PRKCE: variants seen among roughly 807,000 people sequenced by gnomAD.
PRKCE encodes protein kinase C epsilon type.
Under a neutral mutation model 85.4 loss-of-function variants are expected in PRKCE, and 16 were observed. The observed-to-expected ratio is 0.19, with a 90% confidence interval of 0.13 to 0.28. The LOEUF (loss-of-function observed/expected upper bound fraction) is 0.28. PRKCE is among the 10% of genes least tolerant of loss of function. The pLI, the probability that PRKCE is intolerant of heterozygous loss-of-function variation, is 1.00. For missense variants in PRKCE, 573 were observed against 975.2 expected (o/e 0.59, Z 5.49); for synonymous variants, 388 against 371.5 (o/e 1.04, Z -0.51).
At chr2:45,996,103 T>G (rs892829116) in intron 6 of PRKCE, among the ~76,000 whole-genome samples, 25 of 152,202 alleles carry the variant, frequency 1.6e-4, no homozygotes, top group African/African-American at 6.0e-4. Flanking sequence ...TGTAAATATT[T>G]CATTTGGGGG....
At chr2:45,710,359 A>G (rs534879480) in intron 1 of PRKCE, among the ~76,000 whole-genome samples, 1 of 152,338 alleles carries the variant, frequency 6.6e-6, no homozygotes, top group African/African-American at 2.4e-5. Flanking sequence ...ACCCTTGCCC[A>G]CTGAGGTACA....
chr2:45,726,567 C>CT (rs1681089139), intron 1 of PRKCE, among the ~76,000 whole-genome samples: 1 of 152,168 alleles, frequency 6.6e-6, no homozygotes, highest in Non-Finnish European at 1.5e-5. Flanking sequence ...TTACATCGTA[C>CT]ACACAATAGA....
At chr2:45,906,371 C>T (rs1052367644) in intron 2 of PRKCE, among the ~76,000 whole-genome samples, 1 of 152,220 alleles carries the variant, frequency 6.6e-6, no homozygotes, top group Admixed American at 6.5e-5. Context: ...AATTAAACCC[C>T]TGTGGATCTT....
At chr2:45,879,505 G>A (rs189747973) in intron 2 of PRKCE, among the ~76,000 whole-genome samples, 58 of 152,326 alleles carry the variant, frequency 3.8e-4, no homozygotes, top group Non-Finnish European at 7.1e-4. Context: ...CACTTAAGCT[G>A]TCCCCAGATG....
rs1704707917 is a variant in PRKCE at position 46,001,841 on chromosome 2, C to T, written c.966+295C>T. 6.6e-6 allele frequency among the ~76,000 whole-genome samples: 1 copy of T among 152,160 alleles called. No homozygotes were observed. The highest frequency in any genetic ancestry group is 1.5e-5 in the Non-Finnish European group (1 of 68,040). ...ATTCCTTCTAGAAAAAGCTTAACAA[C>T]TCCATACAAGGAAATGGACTTATCT... On this transcript the variant is annotated intron_variant, in intron 7 of 14. Transcript: ENST00000306156. The surrounding 1 kb of genome is among the most constrained non-coding windows in gnomAD (Gnocchi z 4.4).
chr2:45,910,151 A>G (rs1316846472), intron 2 of PRKCE, among the ~76,000 whole-genome samples: 1 of 152,064 alleles, frequency 6.6e-6, no homozygotes, highest in Non-Finnish European at 1.5e-5. Context: ...GTGTAGTTCC[A>G]TTTGTAGTTA....
Position 46,118,650 on chromosome 2 carries a change from A to C in PRKCE, c.1593-26443A>C, listed in dbSNP as rs528783116. Reference sequence around the variant, plus strand: ...GCTCCCCATGCTGTTGTAACCACAGAATACAGAGCATGAAGAAATGGACTT... The same window carrying C: ...GCTCCCCATGCTGTTGTAACCACAGCATACAGAGCATGAAGAAATGGACTT... On this transcript the variant is annotated intron_variant, in intron 11 of 14. Transcript: ENST00000306156. Among the ~76,000 whole-genome samples, 280 of 152,348 alleles carry C rather than the reference A, an allele frequency of 1.8e-3. 2 individuals carry two copies. The highest frequency in any genetic ancestry group is 6.4e-3 in the African/African-American group (268 of 41,592).
At chr2:45,906,145 G>T (rs1334544400) in intron 2 of PRKCE, among the ~76,000 whole-genome samples, 1 of 152,336 alleles carries the variant, frequency 6.6e-6, no homozygotes, top group East Asian at 1.9e-4. Context: ...AGCTAGGGAG[G>T]GAAAGCCGCT....
intron 2 of PRKCE, among the ~76,000 whole-genome samples, chr2:45,932,455 C>T (rs1193507700): frequency 2.0e-5 from 3 of 152,164 alleles, no homozygotes; most frequent in Non-Finnish European, 4.4e-5. Flanking sequence ...TCATGGGTTG[C>T]AGCTGCTCAG....
intron 11 of PRKCE, among the ~76,000 whole-genome samples, chr2:46,088,502 C>G (rs2103930048): frequency 1.3e-5 from 2 of 152,290 alleles, no homozygotes; most frequent in South Asian, 4.1e-4. Flanking sequence ...CTATATGGAT[C>G]CTTCACTAAG....
chr2:45,667,876 A>G (rs1016059215), intron 1 of PRKCE, among the ~76,000 whole-genome samples: 1 of 152,124 alleles, frequency 6.6e-6, no homozygotes. Flanking sequence ...GAAGGGCTTT[A>G]TATGACAGGG....
intron 5 of PRKCE, among the ~76,000 whole-genome samples, chr2:45,981,502 C>G (rs1702887851): frequency 6.6e-6 from 1 of 152,170 alleles, no homozygotes; most frequent in Non-Finnish European, 1.5e-5. Flanking sequence ...CTCTGGAAAG[C>G]AACAAAGGAC....
chr2:46,114,600 T>C (rs1672589392), intron 11 of PRKCE, among the ~76,000 whole-genome samples: 1 of 151,698 alleles, frequency 6.6e-6, no homozygotes, highest in Non-Finnish European at 1.5e-5. Context: ...TGTGTTTTTT[T>C]AGTAGAGATG....
chr2:46,012,451 C>A (rs1418971319), intron 10 of PRKCE, among the ~76,000 whole-genome samples: 1 of 152,106 alleles, frequency 6.6e-6, no homozygotes, highest in African/African-American at 2.4e-5. Context: ...GGTAGTGGGG[C>A]CTTGCTCTGA....
chr2:46,120,654 A>G (rs1006207001), intron 11 of PRKCE, among the ~76,000 whole-genome samples: 3 of 152,108 alleles, frequency 2.0e-5, no homozygotes, highest in Non-Finnish European at 4.4e-5. Context: ...AGGCTTTTTT[A>G]ACTCTTCTGA....
chr2:45,681,864 C>A (rs937139694), intron 1 of PRKCE, among the ~76,000 whole-genome samples: 1 of 152,180 alleles, frequency 6.6e-6, no homozygotes, highest in Non-Finnish European at 1.5e-5. Context: ...CATGTATTGT[C>A]TGAGTCACTC....
At chr2:46,144,173 G>A (rs1476516788) in intron 11 of PRKCE, among the ~76,000 whole-genome samples, 1 of 152,172 alleles carries the variant, frequency 6.6e-6, no homozygotes, top group Non-Finnish European at 1.5e-5. Flanking sequence ...TTTGAGACTG[G>A]CATGCCCCTA....
chr2:46,151,724 A>G (rs1415081745), intron 13 of PRKCE, among the ~76,000 whole-genome samples: 1 of 152,276 alleles, frequency 6.6e-6, no homozygotes, highest in African/African-American at 2.4e-5. Flanking sequence ...AGAGCCAATC[A>G]GAAAAGATCT....
intron 11 of PRKCE, among the ~76,000 whole-genome samples, chr2:46,126,958 T>G (rs1209711202): frequency 6.6e-6 from 1 of 152,214 alleles, no homozygotes; most frequent in Non-Finnish European, 1.5e-5. Context: ...CTAGGTGAGC[T>G]CCTTTGAAAT....
Sources: allele counts gnomAD v4.1 joint callset (sites outside exome capture counted in the v4.1 genomes callset), GRCh38; gene constraint gnomAD v4.1.1; non-coding constraint Gnocchi (gnomAD v3.1); transcripts MANE v1.5; gene names NCBI Gene and HGNC (gene_info 2026-07-23, HGNC 2026-07-21).